The following MACF1 variants were observed in gnomAD, a reference collection of about 807,000 sequenced individuals.
MACF1 encodes the protein microtubule actin crosslinking factor 1, also known as microtubule-actin cross-linking factor 1.
In MACF1, 193 loss-of-function variants were observed where a neutral mutation model predicts 854.8. That is an observed-to-expected ratio of 0.23 (90% confidence interval 0.20 to 0.25). The LOEUF (loss-of-function observed/expected upper bound fraction) is 0.25. Among genes scored for constraint, MACF1 ranks in the 10% least tolerant of loss-of-function variants. The probability of loss-of-function intolerance (pLI) is 1.00; values close to 1 mark genes in which losing one functional copy is unlikely to be tolerated. For missense variants in MACF1, 7,722 were observed against 8,929.1 expected, an observed-to-expected ratio of 0.86 and a Z score of 5.45; for synonymous variants, 3,185 against 3,226.7, an observed-to-expected ratio of 0.99 and a Z score of 0.44.
Position 39,333,696 on chromosome 1 carries a change from A to G in MACF1, c.7108A>G (p.Ile2370Val), listed in dbSNP as rs199948398. The change falls in exon 37 of 101, where the codon ATA becomes GTA. Residue 2370 changes from isoleucine (I) to valine (V), a missense_variant. By Grantham distance (29) the Ile-to-Val change is conservative. Coordinates refer to ENST00000564288, the MANE Select transcript of MACF1 (RefSeq NM_001394062.1). ...LHNVLMADKA[I>V]SGVLDPRTQT... ...TAATGTCCTCATGGCAGACAAAGCT[A>G]TAAGTGGTGTCTTAGACCCCCGTAC... is the stretch of plus-strand genomic sequence containing the variant. 5.6e-5 allele frequency: 91 copies of G among 1,614,228 alleles called. No homozygotes were observed. Among genetic ancestry groups the G allele is most frequent in the Non-Finnish European group, 6.8e-5 (80 of 1,180,022 alleles).
chr1:39,463,444 C>T (rs1359743131), intron 93 of MACF1, among the ~76,000 whole-genome samples, 168 bp from the exon 94 acceptor site: 4 of 151,380 alleles, frequency 2.6e-5, no homozygotes, highest in Middle Eastern at 3.4e-3. Flanking sequence ...GAGCCGAGAT[C>T]GCACCATTGC....
chr1:39,141,750 A>G (rs1193714936), intron 2 of MACF1, among the ~76,000 whole-genome samples: 1 of 152,196 alleles, frequency 6.6e-6, no homozygotes, highest in Non-Finnish European at 1.5e-5. Flanking sequence ...ATTAGTTTAC[A>G]TGGTTCTGAT....
At position 39,315,518 on chromosome 1, in the gene MACF1, C is replaced by T. The variant is rs1646396352; in HGVS notation, c.3276C>T (p.Thr1092=). 1.2e-6 allele frequency: 2 copies of T among 1,613,876 alleles called. No homozygotes were observed. The highest frequency in any genetic ancestry group is 2.7e-5 in the African/African-American group (2 of 74,960). ...GTGTGTCTTGTTCCTGGCAGCACAC[C>T]CAGGAGGATTTACAGCAATTGAGGT... The part of the protein sequence containing the change: ...NALRIAEQEH[T]QEDLQQLRSD... The change falls in exon 27 of 101, where the codon ACC becomes ACT. Residue 1092 remains threonine (T), a synonymous_variant. Transcript: ENST00000564288.
chr1:39,458,428 A>G lies in MACF1; in HGVS notation c.21134A>G (p.Tyr7045Cys), dbSNP rs1385786283. The change falls in exon 90 of 101, where the codon TAC becomes TGC. Residue 7045 changes from tyrosine (Y) to cysteine (C), a missense_variant. Physicochemically the swap from Tyr to Cys is radical, Grantham distance 194. Transcript: ENST00000564288. ...GACGTGGACCGGGTCACCAAGACAT[A>G]CAAAAGGAAAAACATAGAGCCTACT... is the stretch of plus-strand genomic sequence containing the variant. Reference protein sequence around the residue: ...QPDVDRVTKTYKRKNIEPTHA... With the variant: ...QPDVDRVTKTCKRKNIEPTHA... 4 of 1,614,072 alleles carry G rather than the reference A, an allele frequency of 2.5e-6. No individual in the cohort carries two copies. The highest frequency in any genetic ancestry group is 1.1e-5 in the South Asian group (1 of 91,080).
At chr1:39,361,145 G>A (rs746227040) in intron 48 of MACF1, 144 bp downstream of exon 48, 148 of 861,740 alleles carry the variant, frequency 1.7e-4, no homozygotes, top group Non-Finnish European at 2.4e-4. Context: ...TCTATGTAAA[G>A]ATATTTCTAC....
Position 39,282,374 on chromosome 1 carries a change from G to A in MACF1, c.695G>A (p.Arg232Gln), listed in dbSNP as rs749165369. Reference sequence around the variant, plus strand: ...TTCAATGCACTCATTCACCGATACCGGTAAGAACAGTGGAATTTCTGTGCT... The same window carrying A: ...TTCAATGCACTCATTCACCGATACCAGTAAGAACAGTGGAATTTCTGTGCT... ...KMFNALIHRY[R>Q]PDLVDMERVQ... Residue 232 changes from arginine to glutamine, a missense_variant and splice_region_variant, in exon 7 of 101, where the codon CGA (arginine) becomes CAA (glutamine). Physicochemically the swap from Arg to Gln is conservative, Grantham distance 43. Around this residue, in one of 15 missense-constraint regions of MACF1, gnomAD observed 108 missense variants for 196.4 expected, o/e 0.55. Coordinates refer to ENST00000564288, the MANE Select transcript of MACF1 (RefSeq NM_001394062.1). The A allele has an allele frequency of 4.3e-6, 7 of 1,611,676 alleles. No individual in the cohort carries two copies. Among genetic ancestry groups the A allele is most frequent in the African/African-American group, 1.3e-5 (1 of 74,844 alleles).
chr1:39,198,401 C>A (rs1338908068), intron 2 of MACF1, among the ~76,000 whole-genome samples: 2 of 151,818 alleles, frequency 1.3e-5, no homozygotes, highest in East Asian at 3.9e-4. Flanking sequence ...TCCTGTAATC[C>A]CAGCACTTTG....
In MACF1 at chr1:39,249,975, T is replaced by A. The variant is rs773495198; in HGVS notation, c.172-39T>A. The A allele has an allele frequency of 1.7e-5, 20 of 1,155,670 alleles. No homozygotes were observed. The African/African-American group carries it at 2.9e-4, about 17-fold the overall frequency. The allele number at this position is 1,155,670 out of a possible 1,614,324, so 71.6% of individuals were successfully genotyped here. A position where few individuals can be genotyped will look rare whatever the true frequency, so the allele number is the denominator to read the frequency against. On this transcript the variant is annotated intron_variant, in intron 2 of 100. Coordinates refer to ENST00000564288, the MANE Select transcript of MACF1 (RefSeq NM_001394062.1). ...TTATGTGGATAGTATAATAATTCAATATCAAATAAAAATCTGTCTGTTTCA... is the reference window on the plus strand; with the variant it reads ...TTATGTGGATAGTATAATAATTCAAAATCAAATAAAAATCTGTCTGTTTCA...
intron 11 of MACF1, 84 bp downstream of exon 11, chr1:39,284,512 T>G (rs1645608372): frequency 1.2e-6 from 1 of 848,702 alleles, no homozygotes; most frequent in Non-Finnish European, 1.8e-6. Flanking sequence ...CCTTGTATTC[T>G]TTTCCCAAAC....
Position 39,174,754 on chromosome 1 carries a change from T to G in MACF1, c.221-56428T>G, listed in dbSNP as rs553085350. Among the ~76,000 whole-genome samples the G allele has an allele frequency of 3.3e-5, 5 of 152,278 alleles. No individual in the cohort carries two copies. In the South Asian group the frequency reaches 1.0e-3, roughly 32 times the overall value. On this transcript the variant is annotated intron_variant, in intron 2 of 93. Transcript: ENST00000361689. ...CCCCAGGAAAGCTTGAACCAAGGTA[T>G]AGAGAAAGGGCCCCTGATCCTCCAA...
chr1:39,174,753 A>G (rs886844530), intron 2 of MACF1, among the ~76,000 whole-genome samples: 1 of 152,202 alleles, frequency 6.6e-6, no homozygotes, highest in Non-Finnish European at 1.5e-5. Context: ...GAACCAAGGT[A>G]TAGAGAAAGG....
intron 2 of MACF1, among the ~76,000 whole-genome samples, chr1:39,182,534 AT>A (rs1236747948): frequency 6.6e-6 from 1 of 152,198 alleles, no homozygotes; most frequent in Non-Finnish European, 1.5e-5. Context: ...CAATAAAAAA[AT>A]GGGCAAAGGA....
Position 39,322,623 on chromosome 1 carries a change from C to A in MACF1, c.4045C>A (p.Leu1349Met), listed in dbSNP as rs141025026. The change falls in exon 32 of 101, where the codon CTG (leucine) becomes ATG (methionine). Residue 1349 changes from leucine to methionine, a missense_variant. Physicochemically the swap from Leu to Met is conservative, Grantham distance 15. Coordinates refer to ENST00000564288, the MANE Select transcript of MACF1 (RefSeq NM_001394062.1). ...STIVKDYELQLMTYKAFVESQ... is the reference protein window; with the variant it reads ...STIVKDYELQMMTYKAFVESQ... ...CCTTTCCTAGGACTATGAATTGCAACTGATGACATACAAGGCCTTTGTGGA... is the reference window on the plus strand; with the variant it reads ...CCTTTCCTAGGACTATGAATTGCAAATGATGACATACAAGGCCTTTGTGGA... 1,786 of 1,613,984 alleles carry A rather than the reference C, an allele frequency of 1.1e-3. 2 individuals are homozygous for A. Among genetic ancestry groups the A allele is most frequent in the Middle Eastern group, 3.1e-3 (19 of 6,060 alleles).
chr1:39,258,817 A>G (rs1389880404), intron 6 of MACF1, among the ~76,000 whole-genome samples: 4 of 152,196 alleles, frequency 2.6e-5, no homozygotes, highest in Non-Finnish European at 4.4e-5. Flanking sequence ...GTGACATCCT[A>G]GCTGGGGAGT....
intron 2 of MACF1, among the ~76,000 whole-genome samples, chr1:39,191,585 T>A (rs990290908): frequency 6.6e-6 from 1 of 152,228 alleles, no homozygotes; most frequent in Admixed American, 6.5e-5. Flanking sequence ...AGAGGCTGCC[T>A]CCTTCTTCTG....
At chr1:39,242,984 G>A (rs536742470) in intron 2 of MACF1, among the ~76,000 whole-genome samples, 4 of 152,276 alleles carry the variant, frequency 2.6e-5, no homozygotes, top group South Asian at 2.1e-4. Flanking sequence ...CTGCTGGGTC[G>A]TATGGTAACT....
intron 44 of MACF1, among the ~76,000 whole-genome samples, chr1:39,356,385 T>TA (rs1250835362): frequency 3.3e-5 from 5 of 152,074 alleles, no homozygotes; most frequent in African/African-American, 1.2e-4. Flanking sequence ...CATTTTTTTT[T>TA]TTTTTGAGAT....
chr1:39,351,268 T>G (rs745808258), intron 43 of MACF1, among the ~76,000 whole-genome samples: 8 of 152,162 alleles, frequency 5.3e-5, no homozygotes, highest in Non-Finnish European at 7.4e-5. Flanking sequence ...TGCCTCAGCT[T>G]CAGCCTCCCA....
At chr1:39,412,894 C>T in intron 58 of MACF1, 2 of 1,609,580 alleles carry the variant, frequency 1.2e-6, no homozygotes, top group Non-Finnish European at 1.7e-6. Flanking sequence ...TGCTTTAGTG[C>T]CCTTTCCACA....
Sources: gnomAD v4.1 joint callset for allele counts (sites outside exome capture counted in the v4.1 genomes callset) on GRCh38, gnomAD v4.1.1 for gene constraint, gnomAD v4.1.1 regional missense constraint, MANE v1.5 for transcripts, NCBI Gene and HGNC (gene_info 2026-07-23, HGNC 2026-07-21) for gene names.